The following TTN variants were observed in gnomAD, a reference collection of about 807,000 sequenced individuals.
TTN encodes the protein titin, also known as connectin.
TTN carries 1,525 observed loss-of-function variants against 3,223.0 expected under a neutral mutation model. The ratio of observed to expected loss-of-function variants is 0.47; its 90% CI spans 0.45 to 0.49. TTN has a LOEUF of 0.49. TTN is among the 20% of genes least tolerant of loss of function. The pLI is 0.00. For synonymous variants in TTN, 14,094 were observed against 15,161.0 expected (o/e 0.93, Z 5.17); for missense variants, 40,786 against 43,424.0 (o/e 0.94, Z 5.40).
At chr2:178,725,291 A>AC in intron 71 of TTN, 77 bp downstream of exon 71, 1 of 1,380,010 alleles carries the variant, frequency 7.2e-7, no homozygotes, top group Non-Finnish European at 9.5e-7. Flanking sequence ...GAAACTCAGA[A>AC]AAAGAATCTG....
intron 43 of TTN, among the ~76,000 whole-genome samples, chr2:178,759,526 G>A (rs983361727): frequency 6.6e-6 from 1 of 152,214 alleles, no homozygotes; most frequent in African/African-American, 2.4e-5. Context: ...GTCCTAAGAA[G>A]AGTCATCAGG....
chr2:178,778,737 AT>A lies in TTN; in HGVS notation c.4208+136del. The A allele has an allele frequency of 3.2e-6, 4 of 1,230,842 alleles. 1 individual carries two copies. In the South Asian group the frequency reaches 5.2e-5, roughly 16 times the overall value. The allele number at this position is 1,230,842 out of a possible 1,614,324, so 76.2% of individuals were successfully genotyped here. ...GGGCAAGAAATAAAAACTTCTGGCA[AT>A]TGTTGGTGTTGCCAATGGTAAGTTT... On this transcript the variant is annotated intron_variant, in intron 24 of 362. Coordinates refer to ENST00000589042, the MANE Select transcript of TTN (RefSeq NM_001267550.2).
chr2:178,559,897 T>C lies in TTN; in HGVS notation c.86235A>G (p.Ala28745=), dbSNP rs2154158247. The C allele has an allele frequency of 2.5e-6, 4 of 1,613,502 alleles. No homozygotes were observed. The South Asian group carries it at 4.4e-5, about 18-fold the overall frequency. The change falls in exon 326 of 363, where the codon GCA becomes GCG. Residue 28745 remains alanine (A), a synonymous_variant. Coordinates refer to ENST00000589042, the MANE Select transcript of TTN (RefSeq NM_001267550.2). ...ATAAAGGTTCTTCTTCTCTTTCCTT[T>C]GCTATCTGAGGGTCAGAGCTATCAC... ...DPSDSSDPQI[A]KEREEEPLFD... is the part of the protein sequence containing the mutation.
In TTN at chr2:178,608,273, CCTT is replaced by C. The variant is rs755947249; in HGVS notation, c.52607_52609del (p.Glu17536del). 1.2e-6 allele frequency: 2 copies of C among 1,611,766 alleles called. No homozygotes were observed. The highest frequency in any genetic ancestry group is 1.7e-6 in the Non-Finnish European group (2 of 1,178,886). On this transcript the variant is annotated inframe_deletion, in exon 275 of 363. Coordinates refer to ENST00000589042, the MANE Select transcript of TTN (RefSeq NM_001267550.2). ...ACATACTCTGAAGACATAGGTGAGT[CCTT>C]CTAATAAGCCATCTACATTGGCTTT...
rs373706642 is a variant in TTN, at chr2:178,579,840, C to T, written c.67357G>A (p.Gly22453Arg). The change falls in exon 319 of 363, where the codon GGA becomes AGA. Residue 22453 changes from glycine (G) to arginine (R), a missense_variant. By Grantham distance (125) the Gly-to-Arg change is moderately radical. Coordinates refer to ENST00000589042, the MANE Select transcript of TTN (RefSeq NM_001267550.2). ...CTCACTTTCAGGTCCACAACTGGTC[C>T]AGGAGTTTCTAAAGCAAAGGAGAAA... ...RDAVKASQTP[G>R]PVVDLKVRSV... The T allele has an allele frequency of 3.1e-6, 5 of 1,612,656 alleles. No homozygotes were observed. The highest frequency in any genetic ancestry group is 4.2e-6 in the Non-Finnish European group (5 of 1,179,384).
intron 213 of TTN, among the ~76,000 whole-genome samples, chr2:178,648,470 C>T (rs1188753624): frequency 1.3e-5 from 2 of 152,040 alleles, no homozygotes; most frequent in Non-Finnish European, 2.9e-5. Context: ...AGTGCAGTGG[C>T]ATTATCTCAG....
chr2:178,799,853 G>A lies in TTN; in HGVS notation c.641C>T (p.Ser214Leu). Reference sequence around the variant, plus strand: ...TTCAATTCGGGTTTGTCTTGATTCTGAGATCTGAGCAGTCGAAACAATTGT... The same window carrying A: ...TTCAATTCGGGTTTGTCTTGATTCTAAGATCTGAGCAGTCGAAACAATTGT... ...TKTIVSTAQI[S>L]ESRQTRIEKK... The change falls in exon 5 of 363, where the codon TCA becomes TTA. Residue 214 changes from serine (S) to leucine (L), a missense_variant. By Grantham distance (145) the Ser-to-Leu change is moderately radical. Coordinates refer to ENST00000589042, the MANE Select transcript of TTN (RefSeq NM_001267550.2). 6.2e-7 allele frequency: 1 copy of A among 1,614,144 alleles called. No individual in the cohort carries two copies. The highest frequency in any genetic ancestry group is 8.5e-7 in the Non-Finnish European group (1 of 1,180,008).
Position 178,568,894 on chromosome 2 carries a change from T to C in TTN, c.77238A>G (p.Ser25746=). ...EMQAKHSEKW[S]ECARVKSLQA... is the part of the protein sequence containing the mutation. ...GAAGAGACTTTACTCGAGCACACTC[T>C]GACCATTTCTCACTGTGTTTAGCTT... The change falls in exon 326 of 363, where the codon TCA becomes TCG. Residue 25746 remains serine (S), a synonymous_variant. Coordinates refer to ENST00000589042, the MANE Select transcript of TTN (RefSeq NM_001267550.2). 3 of 1,613,306 alleles carry C rather than the reference T, an allele frequency of 1.9e-6. No homozygotes were observed. The highest frequency in any genetic ancestry group is 2.5e-6 in the Non-Finnish European group (3 of 1,179,562).
rs759781894 is a variant in TTN, at chr2:178,709,774, T to A, written c.28545A>T (p.Gly9515=). Residue 9515 remains glycine, a synonymous_variant, in exon 99 of 363, where the codon GGA becomes GGT. Transcript: ENST00000589042. ...TTATAGGTTGGGAACCAGCCACACG[T>A]CCCTCAAGTTTGAAAGAATTCCCTT... The part of the protein sequence containing the change: ...ETEGNSFKLE[G]RVAGSQPITV... 5 of 1,613,848 alleles carry A rather than the reference T, an allele frequency of 3.1e-6. No individual in the cohort carries two copies. The Admixed American group carries it at 8.3e-5, about 27-fold the overall frequency.
In TTN at chr2:178,584,371, CCTT is replaced by C; in HGVS notation, c.65177_65179del (p.Glu21726del). On this transcript the variant is annotated inframe_deletion, in exon 311 of 363. Coordinates refer to ENST00000589042, the MANE Select transcript of TTN (RefSeq NM_001267550.2). ...ATAGATTCTGAATGAATACTCAAGACCTTCTACAAGGCCAGCACAAGGATATTC... is the reference window on the plus strand; with the variant it reads ...ATAGATTCTGAATGAATACTCAAGACCTACAAGGCCAGCACAAGGATATTC... 1.2e-6 allele frequency: 2 copies of C among 1,613,258 alleles called. No individual in the cohort carries two copies. Among genetic ancestry groups the C allele is most frequent in the African/African-American group, 1.3e-5 (1 of 74,992 alleles).
chr2:178,640,527 C>T lies in TTN; in HGVS notation c.40723+14G>A, dbSNP rs1311706210. The T allele has an allele frequency of 1.3e-6, 2 of 1,596,808 alleles. No individual in the cohort carries two copies. Among genetic ancestry groups the T allele is most frequent in the Admixed American group, 3.5e-5 (2 of 57,362 alleles). ...CATTTTTAGAGACAACTAAGAATGA[C>T]AGTAGATTTGTACCTTTTGTTGGTT... On this transcript the variant is annotated intron_variant, in intron 221 of 362. Transcript: ENST00000589042.
At position 178,636,528 on chromosome 2, in the gene TTN, C is replaced by T. The variant is rs1370520331; in HGVS notation, c.41199G>A (p.Arg13733=). ...TTCTGTCTTTACCATCTGCAATAAA[C>T]CTGTGCTTGGGACTCTCACGGATAT... The part of the protein sequence containing the change: ...GSNIRESPKH[R]FIADGKDRKL... Residue 13733 remains arginine (R), a synonymous_variant, in exon 225 of 363, where the codon AGG becomes AGA. Coordinates refer to ENST00000589042, the MANE Select transcript of TTN (RefSeq NM_001267550.2). The surrounding 1 kb of genome is among the most constrained non-coding windows in gnomAD (Gnocchi z 4.3). 1 of 1,613,440 alleles carries T rather than the reference C, an allele frequency of 6.2e-7. No homozygotes were observed. Among genetic ancestry groups the T allele is most frequent in the Non-Finnish European group, 8.5e-7 (1 of 1,179,572 alleles).
In TTN at chr2:178,560,966, A is replaced by G. The variant is rs755134776; in HGVS notation, c.85166T>C (p.Ile28389Thr). The G allele has an allele frequency of 1.2e-6, 2 of 1,613,848 alleles. No individual in the cohort carries two copies. Among genetic ancestry groups the G allele is most frequent in the Non-Finnish European group, 1.7e-6 (2 of 1,179,804 alleles). ...TTCTATACCATCCTTGGCCCAGGAAATTACTGGCAGAGGTCGCCCTGCAAT... is the reference window on the plus strand; with the variant it reads ...TTCTATACCATCCTTGGCCCAGGAAGTTACTGGCAGAGGTCGCCCTGCAAT... ...ADIAGRPLPV[I>T]SWAKDGIEIE... is the part of the protein sequence containing the mutation. The change falls in exon 326 of 363, where the codon ATT becomes ACT. Residue 28389 changes from isoleucine to threonine, a missense_variant. Coordinates refer to ENST00000589042, the MANE Select transcript of TTN (RefSeq NM_001267550.2).
intron 6 of TTN, chr2:178,799,250 T>G: frequency 1.8e-6 from 1 of 567,286 alleles, no homozygotes; most frequent in Non-Finnish European, 3.1e-6. Context: ...ACCCTATGCC[T>G]ATAAAAACCC....
In TTN at chr2:178,789,471, G is replaced by A. The variant is rs760757049; in HGVS notation, c.1965C>T (p.Ala655=). 22 of 1,613,392 alleles carry A rather than the reference G, an allele frequency of 1.4e-5. 1 individual carries two copies. In the South Asian group the frequency reaches 2.4e-4, roughly 18 times the overall value. Residue 655 remains alanine (A), a synonymous_variant, in exon 13 of 363, where the codon GCC becomes GCT. Transcript: ENST00000589042. ...CAGTAGCAACTGCTATTGTAGACAA[G>A]GCAGTTTTCTCGGCTTCCTTTCTCA... The part of the protein sequence containing the change: ...EKMRKEAEKT[A]LSTIAVATAK...
intron 3 of TTN, among the ~76,000 whole-genome samples, chr2:178,801,094 T>C (rs1163795079): frequency 6.6e-6 from 1 of 152,236 alleles, no homozygotes; most frequent in East Asian, 1.9e-4. Flanking sequence ...CAGTGGTTGC[T>C]ACGATGGGTG....
Position 178,697,175 on chromosome 2 carries a change from G to A in TTN, c.30755-7C>T. 6.6e-7 allele frequency: 1 copy of A among 1,518,612 alleles called. No individual in the cohort carries two copies. Among genetic ancestry groups the A allele is most frequent in the Non-Finnish European group, 8.8e-7 (1 of 1,136,144 alleles). 94.1% of individuals were successfully genotyped at this position (1,518,612 alleles called of 1,614,324 possible). On this transcript the variant is annotated splice_region_variant and splice_polypyrimidine_tract_variant and intron_variant, in intron 112 of 362. Coordinates refer to ENST00000589042, the MANE Select transcript of TTN (RefSeq NM_001267550.2). ...GGAGGCTTCTTGACAATCTCTGGGA[G>A]TTTAAAAACATAAAAATGTGTGTTT...
intron 272 of TTN, 51 bp downstream of exon 272, chr2:178,609,633 T>C: frequency 6.5e-7 from 1 of 1,549,960 alleles, no homozygotes; most frequent in Admixed American, 2.0e-5. Flanking sequence ...AAAACATTAT[T>C]TTCATTTATT....
intron 13 of TTN, among the ~76,000 whole-genome samples, chr2:178,786,794 T>A (rs1425836694): frequency 1.3e-5 from 2 of 152,234 alleles, no homozygotes; most frequent in African/African-American, 4.8e-5. Context: ...ATATTGTGAT[T>A]AAAATGAAAG....
Sources: allele counts gnomAD v4.1 joint callset (sites outside exome capture counted in the v4.1 genomes callset), GRCh38; gene constraint gnomAD v4.1.1; non-coding constraint Gnocchi (gnomAD v3.1); transcripts MANE v1.5; gene names NCBI Gene and HGNC (gene_info 2026-07-23, HGNC 2026-07-21).